TLN2: variants seen among roughly 807,000 people sequenced by gnomAD.
The protein encoded by TLN2 is talin-2.
In TLN2, 118 loss-of-function variants were observed where a neutral mutation model predicts 294.7. The ratio of observed to expected loss-of-function variants is 0.40; its 90% CI spans 0.34 to 0.47. The LOEUF (loss-of-function observed/expected upper bound fraction) is 0.47. Ranked by LOEUF, TLN2 falls within the 20% of genes least tolerant of loss-of-function variation. The pLI is 0.84. For missense variants in TLN2, 3,083 were observed against 3,282.2 expected (o/e 0.94, Z 1.48); for synonymous variants, 1,431 against 1,304.5 (o/e 1.10, Z -2.09).
At chr15:62,604,313 C>G (rs1315134877) in intron 2 of TLN2, among the ~76,000 whole-genome samples, 2 of 151,716 alleles carry the variant, frequency 1.3e-5, no homozygotes, top group Non-Finnish European at 2.9e-5. Context: ...CCTAGGAGTT[C>G]GAGACCATCC....
At chr15:62,803,289 C>T (rs28866240) in intron 50 of TLN2, among the ~76,000 whole-genome samples, 10 of 152,014 alleles carry the variant, frequency 6.6e-5, no homozygotes, top group Non-Finnish European at 1.5e-4. Flanking sequence ...TTATTAAATT[C>T]CTTGCAGTAG....
At chr15:62,666,458 A>G (rs2054656724) in intron 9 of TLN2, among the ~76,000 whole-genome samples, 1 of 152,246 alleles carries the variant, frequency 6.6e-6, no homozygotes, top group Middle Eastern at 3.4e-3. Context: ...CCCATACCAG[A>G]CAGCTGAACC....
intron 33 of TLN2, among the ~76,000 whole-genome samples, chr15:62,749,134 G>T (rs557059112): frequency 5.3e-5 from 8 of 152,216 alleles, no homozygotes; most frequent in Non-Finnish European, 1.5e-5. Flanking sequence ...GTAGATGTGG[G>T]TTGGTTGTCC....
intron 52 of TLN2, among the ~76,000 whole-genome samples, chr15:62,814,918 C>A (rs975430077): frequency 3.3e-5 from 5 of 152,012 alleles, no homozygotes; most frequent in African/African-American, 1.2e-4. Flanking sequence ...CAAGACTGAC[C>A]GGCCAGTGCT....
At chr15:62,495,958 AC>A (rs1370312238) in intron 1 of TLN2, among the ~76,000 whole-genome samples, 2 of 151,924 alleles carry the variant, frequency 1.3e-5, no homozygotes, top group African/African-American at 4.8e-5. Context: ...AAAAAAAAAA[AC>A]AAAAACCAAA....
At chr15:62,577,473 C>CA (rs971128286) in intron 1 of TLN2, among the ~76,000 whole-genome samples, 2 of 152,052 alleles carry the variant, frequency 1.3e-5, no homozygotes, top group Non-Finnish European at 2.9e-5. Context: ...CAAACAAAAA[C>CA]AAAAAACACA....
chr15:62,655,935 G>C lies in TLN2; in HGVS notation c.518-9G>C, dbSNP rs368395128. 1.2e-6 allele frequency: 2 copies of C among 1,614,042 alleles called. No individual in the cohort carries two copies. Among genetic ancestry groups the C allele is most frequent in the Non-Finnish European group, 1.7e-6 (2 of 1,180,020 alleles). On this transcript the variant is annotated splice_polypyrimidine_tract_variant and intron_variant, in intron 7 of 58. Transcript: ENST00000636159. ...ACACAGTTCTCTTATATGTCTTGTT[G>C]TGTTGCAGTAAATTGGCTGGATCAC...
At position 62,643,532 on chromosome 15, in the gene TLN2, T is replaced by C. The variant is rs1264267218; in HGVS notation, c.-36-3743T>C. 3.3e-5 allele frequency among the ~76,000 whole-genome samples: 5 copies of C among 151,688 alleles called. No homozygotes were observed. In the South Asian group the frequency reaches 1.0e-3, roughly 32 times the overall value. ...GCCACAAGTCTCATAGTGAATGTAG[T>C]ATTTCTTGTCTGTTGAACACCTACC... On this transcript the variant is annotated intron_variant, in intron 3 of 58. Coordinates refer to ENST00000636159, the MANE Select transcript of TLN2 (RefSeq NM_015059.3).
chr15:62,484,716 C>T lies in TLN2; in HGVS notation c.-238+94031C>T, dbSNP rs146100394. On this transcript the variant is annotated intron_variant, in intron 1 of 58. Coordinates refer to ENST00000636159, the MANE Select transcript of TLN2 (RefSeq NM_015059.3). ...CTGGGATTACAGGCGTGAGCCACCA[C>T]GCCTGGCTGGACCGAGGTTTTTCTG... Among the ~76,000 whole-genome samples the T allele has an allele frequency of 6.3e-3, 958 of 152,268 alleles. 20 individuals carry two copies. The highest frequency in any genetic ancestry group is 0.045 in the Admixed American group (694 of 15,292).
chr15:62,488,920 T>C (rs896536356), intron 1 of TLN2, among the ~76,000 whole-genome samples: 1 of 152,214 alleles, frequency 6.6e-6, no homozygotes. Context: ...CGCAGCACTT[T>C]GGGAGGCCGA....
intron 1 of TLN2, among the ~76,000 whole-genome samples, chr15:62,568,936 A>C (rs1373112171): frequency 6.6e-6 from 1 of 152,196 alleles, no homozygotes; most frequent in African/African-American, 2.4e-5. Context: ...TTGTAACGAC[A>C]GGAATCTATT....
intron 37 of TLN2, 44 bp downstream of exon 37, chr15:62,755,737 G>C: frequency 6.2e-7 from 1 of 1,605,986 alleles, no homozygotes; most frequent in South Asian, 1.1e-5. Context: ...TGTAACTCCT[G>C]TTCTGGCGGG....
At chr15:62,695,656 C>G (rs988289314) in intron 14 of TLN2, among the ~76,000 whole-genome samples, 1 of 152,228 alleles carries the variant, frequency 6.6e-6, no homozygotes, top group Admixed American at 6.5e-5. Context: ...TCACAATTTG[C>G]TTCCTAATCA....
At chr15:62,821,367 A>C (rs961890220) in intron 54 of TLN2, among the ~76,000 whole-genome samples, 1 of 152,232 alleles carries the variant, frequency 6.6e-6, no homozygotes, top group Non-Finnish European at 1.5e-5. Context: ...CTGGTGGTGC[A>C]TGTAACTCAT....
At chr15:62,507,783 A>C (rs563246018) in intron 1 of TLN2, among the ~76,000 whole-genome samples, 3 of 152,386 alleles carry the variant, frequency 2.0e-5, no homozygotes, top group Admixed American at 6.5e-5. Flanking sequence ...GCAGAAGCAC[A>C]GATGTCTTGA....
chr15:62,631,545 TCCA>T (rs2049859176), intron 3 of TLN2, among the ~76,000 whole-genome samples: 1 of 36,194 alleles, frequency 2.8e-5, no homozygotes, highest in Non-Finnish European at 5.4e-5. Context: ...TCCTTTCCTT[TCCA>T]TTCCTTTCCT....
In TLN2 at chr15:62,614,022, C is replaced by G. The variant is rs973187669; in HGVS notation, c.-161-4329C>G. 4.6e-5 allele frequency among the ~76,000 whole-genome samples: 7 copies of G among 152,144 alleles called. No homozygotes were observed. The South Asian group carries it at 1.2e-3, about 27-fold the overall frequency. On this transcript the variant is annotated intron_variant, in intron 2 of 58. Coordinates refer to ENST00000636159, the MANE Select transcript of TLN2 (RefSeq NM_015059.3). ...AAGAGGCCTGGGAAAACTTTTGAAG[C>G]TAATGGCTGTGTTCATCATCGTGAT...
chr15:62,784,057 G>C, intron 45 of TLN2, 167 bp downstream of exon 45: 1 of 1,229,208 alleles, frequency 8.1e-7, no homozygotes, highest in South Asian at 1.6e-5. Flanking sequence ...GGTAGCCCCA[G>C]GCTGTACTCA....
rs548886572 is a variant in TLN2 at position 62,400,892 on chromosome 15, T to C, written c.-238+10207T>C. Among the ~76,000 whole-genome samples, 59 of 147,618 alleles carry C rather than the reference T, an allele frequency of 4.0e-4. 1 individual carries two copies. In the South Asian group the frequency reaches 0.012, roughly 31 times the overall value. On this transcript the variant is annotated intron_variant, in intron 1 of 58. Coordinates refer to ENST00000636159, the MANE Select transcript of TLN2 (RefSeq NM_015059.3). ...GTGCAGTGGTGCAATCTGGGCTCAC[T>C]GCAGCCTCTGCTTCCTGGGTTCAAG...
Sources: allele counts gnomAD v4.1 joint callset (sites outside exome capture counted in the v4.1 genomes callset), GRCh38; gene constraint gnomAD v4.1.1; transcripts MANE v1.5; gene names NCBI Gene and HGNC (gene_info 2026-07-23, HGNC 2026-07-21).